The following OAS3 variants were observed in gnomAD, a reference collection of about 807,000 sequenced individuals.
The protein encoded by OAS3 is 2'-5'-oligoadenylate synthetase 3.
OAS3 carries 107 observed loss-of-function variants against 113.0 expected under a neutral mutation model. The observed-to-expected ratio is 0.95, with a 90% CI of 0.81 to 1.11. The LOEUF (loss-of-function observed/expected upper bound fraction) is 1.11, where lower values mean the gene tolerates loss of function less well. Among genes scored for constraint, OAS3 ranks in the 50% most tolerant of loss-of-function variants. OAS3 has a pLI of 0.00. For synonymous variants in OAS3, 552 were observed against 573.6 expected, an observed-to-expected ratio of 0.96 and a Z score of 0.54; for missense variants, 1,258 against 1,389.1, an observed-to-expected ratio of 0.91 and a Z score of 1.50.
chr12:112,969,604 G>A lies in OAS3; in HGVS notation c.3105-4G>A. 1 of 1,595,026 alleles carries A rather than the reference G, an allele frequency of 6.3e-7. No homozygotes were observed. Among genetic ancestry groups the A allele is most frequent in the South Asian group, 1.1e-5 (1 of 87,786 alleles). ...ATAAGACTGTCCCTGGGTGGGAATTGCAGGCCTATCATCCTGGATCCGGCT... is the reference window on the plus strand; with the variant it reads ...ATAAGACTGTCCCTGGGTGGGAATTACAGGCCTATCATCCTGGATCCGGCT... On this transcript the variant is annotated splice_region_variant and splice_polypyrimidine_tract_variant and intron_variant, in intron 14 of 15. Transcript: ENST00000228928.
chr12:112,948,400 G>A (rs1266310323), intron 5 of OAS3, among the ~76,000 whole-genome samples: 1 of 151,654 alleles, frequency 6.6e-6, no homozygotes, highest in Non-Finnish European at 1.5e-5. Flanking sequence ...CTACTCGAGA[G>A]GCTGAGGCAG....
At chr12:112,949,998 G>A (rs915706424) in intron 6 of OAS3, among the ~76,000 whole-genome samples, 2 of 152,116 alleles carry the variant, frequency 1.3e-5, no homozygotes, top group African/African-American at 2.4e-5. Flanking sequence ...CAGCCTGGGC[G>A]ACAAGAGTGA....
rs1377224862 is a variant in OAS3 at position 112,965,836 on chromosome 12, G to A, written c.2496G>A (p.Gln832=). The A allele has an allele frequency of 1.9e-6, 3 of 1,613,898 alleles. No homozygotes were observed. The highest frequency in any genetic ancestry group is 2.5e-6 in the Non-Finnish European group (3 of 1,179,866). Residue 832 remains glutamine, a synonymous_variant, in exon 12 of 16, where the codon CAG becomes CAA. Transcript: ENST00000228928. ...GCTGCTTCAGCCAGTTCACTGAGCA[G>A]GGCAACAAGCGGGCCGAGATCATCT... ...FLSCFSQFTE[Q]GNKRAEIISE...
intron 7 of OAS3, among the ~76,000 whole-genome samples, chr12:112,958,285 C>T (rs1268071605): frequency 1.3e-5 from 2 of 152,258 alleles, no homozygotes; most frequent in Non-Finnish European, 2.9e-5. Context: ...GTTTGAACAT[C>T]CTCCTTTAGC....
rs1440125723 is a variant in OAS3, at chr12:112,948,920, G to T, written c.1089G>T (p.Gln363His). 1.2e-6 allele frequency: 2 copies of T among 1,609,534 alleles called. No homozygotes were observed. The highest frequency in any genetic ancestry group is 1.7e-6 in the Non-Finnish European group (2 of 1,177,980). Residue 363 changes from glutamine (Q) to histidine (H), a missense_variant, in exon 6 of 16, where the codon CAG becomes CAT. Coordinates refer to ENST00000228928, the MANE Select transcript of OAS3 (RefSeq NM_006187.4). ...ACCCCATCCAGCTAGACCCTAACCAGAAGACCCCTGAAAACAGCAAGAGCC... is the reference window on the plus strand; with the variant it reads ...ACCCCATCCAGCTAGACCCTAACCATAAGACCCCTGAAAACAGCAAGAGCC... ...LGHPIQLDPN[Q>H]KTPENSKSLN...
At position 112,944,565 on chromosome 12, in the gene OAS3, T is replaced by C. The variant is rs759102076; in HGVS notation, c.550T>C (p.Phe184Leu). 1.2e-6 allele frequency: 2 copies of C among 1,614,078 alleles called. No homozygotes were observed. The highest frequency in any genetic ancestry group is 8.5e-7 in the Non-Finnish European group (1 of 1,179,906). The part of the protein sequence containing the change: ...GCQGGEHAAC[F>L]TELRRNFVNI... ...CCAAGGGGGCGAGCATGCGGCCTGC[T>C]TCACAGAGCTGCGGAGGAACTTTGT... Residue 184 changes from phenylalanine (F) to leucine (L), a missense_variant, in exon 3 of 16, where the codon TTC becomes CTC. Transcript: ENST00000228928.
rs184650956 is a variant in OAS3, at chr12:112,941,794, A to G, written c.402A>G (p.Thr134=). The G allele has an allele frequency of 1.6e-4, 256 of 1,613,980 alleles. No individual in the cohort carries two copies. In the East Asian group the frequency reaches 5.4e-3, roughly 34 times the overall value. The change falls in exon 2 of 16, where the codon ACA becomes ACG. Residue 134 remains threonine, a synonymous_variant. Coordinates refer to ENST00000228928, the MANE Select transcript of OAS3 (RefSeq NM_006187.4). ...CTGGGGCCCTGCAGTTCCGCCTGAC[A>G]TCCGTAGATCTTGAGGACTGGATGG... is the stretch of plus-strand genomic sequence containing the variant. ...SVPGALQFRL[T]SVDLEDWMDV... is the part of the protein sequence containing the mutation.
rs1397475827 is a variant in OAS3, at chr12:112,969,961, G to A, written c.3253-1G>A. ...CAACATCTCTTATAATACTTCCCCA[G>A]GCTGCTGTGTGAAGTTGAGAAAATC... On this transcript the variant is annotated splice_acceptor_variant, in intron 15 of 15. Coordinates refer to ENST00000228928, the MANE Select transcript of OAS3 (RefSeq NM_006187.4). LOFTEE classifies it high-confidence loss of function. 3 of 1,608,120 alleles carry A rather than the reference G, an allele frequency of 1.9e-6. No individual in the cohort carries two copies. The African/African-American group carries it at 4.0e-5, about 21-fold the overall frequency.
At position 112,944,639 on chromosome 12, in the gene OAS3, C is replaced by A. The variant is rs2043711427; in HGVS notation, c.624C>A (p.His208Gln). The A allele has an allele frequency of 1.2e-6, 2 of 1,614,064 alleles. No individual in the cohort carries two copies. The highest frequency in any genetic ancestry group is 2.7e-5 in the African/African-American group (2 of 75,078). Residue 208 changes from histidine (H) to glutamine (Q), a missense_variant, in exon 3 of 16, where the codon CAC (histidine) becomes CAA (glutamine). Physicochemically the swap from His to Gln is conservative, Grantham distance 24 (BLOSUM62 0). Coordinates refer to ENST00000228928, the MANE Select transcript of OAS3 (RefSeq NM_006187.4). ...KLKNLILLVK[H>Q]WYHQVCLQGL... Reference sequence around the variant, plus strand: ...AGAACCTAATCTTGCTGGTGAAGCACTGGTACCACCAGGTGAAGCCACTTG... The same window carrying A: ...AGAACCTAATCTTGCTGGTGAAGCAATGGTACCACCAGGTGAAGCCACTTG...
At position 112,946,820 on chromosome 12, in the gene OAS3, G is replaced by C. The variant is rs745714139; in HGVS notation, c.714G>C (p.Glu238Asp). ...AATTGCTGACCATCTTCGCCTGGGA[G>C]CAGGGCTGTAAGAAGGATGCTTTCA... ...ALELLTIFAWEQGCKKDAFSL... is the reference protein window; with the variant it reads ...ALELLTIFAWDQGCKKDAFSL... Residue 238 changes from glutamate to aspartate, a missense_variant, in exon 4 of 16, where the codon GAG (glutamate) becomes GAC (aspartate). By Grantham distance (45) the Glu-to-Asp change is conservative (BLOSUM62 2). Coordinates refer to ENST00000228928, the MANE Select transcript of OAS3 (RefSeq NM_006187.4). 2 of 1,613,724 alleles carry C rather than the reference G, an allele frequency of 1.2e-6. No homozygotes were observed. Among genetic ancestry groups the C allele is most frequent in the Non-Finnish European group, 1.7e-6 (2 of 1,179,806 alleles).
In OAS3 at chr12:112,962,700, C is replaced by G; in HGVS notation, c.1882C>G (p.Pro628Ala). Residue 628 changes from proline to alanine, a missense_variant, in exon 9 of 16, where the codon CCA becomes GCA. Pro to Ala is a conservative substitution (Grantham distance 27, BLOSUM62 -1). Coordinates refer to ENST00000228928, the MANE Select transcript of OAS3 (RefSeq NM_006187.4). ...GKGPAPASLP[P>A]AYALELLTIF... Reference sequence around the variant, plus strand: ...AGGACCAGCCCCTGCCTCTCTGCCCCCAGCCTATGCCCTGGAGCTCCTCAC... The same window carrying G: ...AGGACCAGCCCCTGCCTCTCTGCCCGCAGCCTATGCCCTGGAGCTCCTCAC... 5 of 1,614,014 alleles carry G rather than the reference C, an allele frequency of 3.1e-6. No individual in the cohort carries two copies. Among genetic ancestry groups the G allele is most frequent in the Non-Finnish European group, 4.2e-6 (5 of 1,179,896 alleles).
rs572607694 is a variant in OAS3 at position 112,944,570 on chromosome 12, A to C, written c.555A>C (p.Thr185=). The change falls in exon 3 of 16, where the codon ACA becomes ACC. Residue 185 remains threonine (T), a synonymous_variant. Coordinates refer to ENST00000228928, the MANE Select transcript of OAS3 (RefSeq NM_006187.4). ...CQGGEHAACF[T]ELRRNFVNIR... ...GGGGCGAGCATGCGGCCTGCTTCAC[A>C]GAGCTGCGGAGGAACTTTGTGAACA... 27 of 1,613,954 alleles carry C rather than the reference A, an allele frequency of 1.7e-5. No individual in the cohort carries two copies. The African/African-American group carries it at 2.0e-4, about 12-fold the overall frequency.
chr12:112,966,060 G>C (rs769310751), intron 12 of OAS3, 31 bp downstream of exon 12: 8 of 1,609,530 alleles, frequency 5.0e-6, no homozygotes, highest in Non-Finnish European at 5.9e-6. Flanking sequence ...CCTGAGAGGG[G>C]GAAATACAGA....
Position 112,941,761 on chromosome 12 carries a change from G to A in OAS3, c.369G>A (p.Gln123=). The change falls in exon 2 of 16, where the codon CAG becomes CAA. Residue 123 remains glutamine, a synonymous_variant. Transcript: ENST00000228928. ...VPGLRLTFPE[Q]SVPGALQFRL... Reference sequence around the variant, plus strand: ...GTCTGAGACTCACGTTTCCTGAGCAGAGCGTGCCTGGGGCCCTGCAGTTCC... The same window carrying A: ...GTCTGAGACTCACGTTTCCTGAGCAAAGCGTGCCTGGGGCCCTGCAGTTCC... The A allele has an allele frequency of 1.9e-6, 3 of 1,614,050 alleles. No homozygotes were observed. The highest frequency in any genetic ancestry group is 2.5e-6 in the Non-Finnish European group (3 of 1,179,898).
rs376403103 is a variant in OAS3 at position 112,950,739 on chromosome 12, T to C, written c.1421T>C (p.Val474Ala). 1.1e-3 allele frequency: 1,721 copies of C among 1,614,028 alleles called. 26 individuals carry two copies. The South Asian group carries it at 0.017, about 16-fold the overall frequency. Residue 474 changes from valine (V) to alanine (A), a missense_variant, in exon 7 of 16, where the codon GTT becomes GCT. Physicochemically the swap from Val to Ala is moderately conservative, Grantham distance 64 (BLOSUM62 0). Coordinates refer to ENST00000228928, the MANE Select transcript of OAS3 (RefSeq NM_006187.4). ...ACAGACCTAAGGGATGGCTGTGATGTTGAACTCATCATCTTCCTCAACTGC... is the reference window on the plus strand; with the variant it reads ...ACAGACCTAAGGGATGGCTGTGATGCTGAACTCATCATCTTCCTCAACTGC... The part of the protein sequence containing the change: ...RGTDLRDGCD[V>A]ELIIFLNCFT...
intron 3 of OAS3, among the ~76,000 whole-genome samples, chr12:112,946,475 C>T (rs1178415588): frequency 9.9e-5 from 15 of 152,112 alleles, no homozygotes; most frequent in Non-Finnish European, 1.5e-5. Flanking sequence ...TCAGACTACC[C>T]TTGGCTTCTC....
At position 112,944,618 on chromosome 12, in the gene OAS3, C is replaced by G. The variant is rs772595748; in HGVS notation, c.603C>G (p.Asn201Lys). The part of the protein sequence containing the change: ...FVNIRPAKLK[N>K]LILLVKHWYH... ...ACATTCGCCCAGCCAAGTTGAAGAA[C>G]CTAATCTTGCTGGTGAAGCACTGGT... Residue 201 changes from asparagine (N) to lysine (K), a missense_variant, in exon 3 of 16, where the codon AAC (asparagine) becomes AAG (lysine). Coordinates refer to ENST00000228928, the MANE Select transcript of OAS3 (RefSeq NM_006187.4). The G allele has an allele frequency of 1.5e-5, 24 of 1,613,930 alleles. No individual in the cohort carries two copies. The Admixed American group carries it at 4.0e-4, about 27-fold the overall frequency.
At position 112,938,654 on chromosome 12, in the gene OAS3, G is replaced by A. The variant is rs756696043; in HGVS notation, c.124G>A (p.Glu42Lys). 1.9e-6 allele frequency: 3 copies of A among 1,596,648 alleles called. No homozygotes were observed. The highest frequency in any genetic ancestry group is 1.3e-5 in the African/African-American group (1 of 74,536). ...GGGCGCCCTGGCCGCTGCCCTGAGG[G>A]AGCGCGGGGGCCGCCTCGGTGCTGC... is the stretch of plus-strand genomic sequence containing the variant. ...ALGALAAALR[E>K]RGGRLGAAAP... The change falls in exon 1 of 16, where the codon GAG becomes AAG. Residue 42 changes from glutamate to lysine, a missense_variant. By Grantham distance (56) the Glu-to-Lys change is moderately conservative (BLOSUM62 1). Transcript: ENST00000228928.
rs1266099138 is a variant in OAS3 at position 112,948,803 on chromosome 12, T to C, written c.1030-58T>C. The C allele has an allele frequency of 6.7e-6, 9 of 1,350,956 alleles. No individual in the cohort carries two copies. In the African/African-American group the frequency reaches 1.3e-4, roughly 20 times the overall value. 83.7% of individuals were successfully genotyped at this position (1,350,956 alleles called of 1,614,324 possible). On this transcript the variant is annotated intron_variant, in intron 5 of 15. Transcript: ENST00000228928. ...GGCGGGAGCTGGGGAGAGAAGGCAT[T>C]GGGTTGATGCAGAAACCACTGCGCC...
Sources: gnomAD v4.1 joint callset for allele counts (sites outside exome capture counted in the v4.1 genomes callset) on GRCh38, gnomAD v4.1.1 for gene constraint, MANE v1.5 for transcripts, NCBI Gene and HGNC (gene_info 2026-07-23, HGNC 2026-07-21) for gene names.